PPARD: variants seen among roughly 807,000 people sequenced by gnomAD.
PPARD encodes peroxisome proliferator activated receptor delta, also known as peroxisome proliferator-activated receptor delta.
PPARD carries 6 observed loss-of-function variants against 39.5 expected under a neutral mutation model. The ratio of observed to expected loss-of-function variants is 0.15; its 90% CI spans 0.08 to 0.30. PPARD has a LOEUF of 0.30. Among genes scored for constraint, PPARD ranks in the 10% least tolerant of loss-of-function variants. PPARD has a pLI of 1.00. For synonymous variants in PPARD, 210 were observed against 231.3 expected (o/e 0.91, Z 0.83); for missense variants, 397 against 596.8 (o/e 0.67, Z 3.49).
At position 35,348,948 on chromosome 6, in the gene PPARD, C is replaced by G. The variant is rs116091454; in HGVS notation, c.-102+1798C>G. 1.9e-3 allele frequency: 1,873 copies of G among 985,324 alleles called. 11 individuals carry two copies. The highest frequency in any genetic ancestry group is 9.4e-3 in the African/African-American group (538 of 57,302). The allele number at this position is 985,324 out of a possible 1,614,324, so 61.0% of individuals were successfully genotyped here. ...GGCCCAGTGGCAGCAATTGTACGTG[C>G]ATTTCCAGGGGTCAGTTGTCCAGTT... On this transcript the variant is annotated intron_variant, in intron 2 of 7. Coordinates refer to ENST00000360694, the MANE Select transcript of PPARD (RefSeq NM_006238.5).
intron 4 of PPARD, among the ~76,000 whole-genome samples, chr6:35,421,343 T>C (rs1766156068): frequency 6.6e-6 from 1 of 151,944 alleles, no homozygotes; most frequent in South Asian, 2.1e-4. Flanking sequence ...TTATTTTGTT[T>C]TGTTTTGTTT....
Position 35,424,719 on chromosome 6 carries a change from G to A in PPARD, c.1018G>A (p.Ala340Thr), listed in dbSNP as rs770953928. Reference sequence around the variant, plus strand: ...GTTTGAATTTGCTGTCAAGTTCAACGCCCTGGAACTTGATGACAGTGACCT... The same window carrying A: ...GTTTGAATTTGCTGTCAAGTTCAACACCCTGGAACTTGATGACAGTGACCT... Reference protein sequence around the residue: ...PKFEFAVKFNALELDDSDLAL... With the variant: ...PKFEFAVKFNTLELDDSDLAL... Residue 340 changes from alanine to threonine, a missense_variant, in exon 7 of 8, where the codon GCC becomes ACC. By Grantham distance (58) the Ala-to-Thr change is moderately conservative. Transcript: ENST00000360694. The surrounding 1 kb of genome is among the most constrained non-coding windows in gnomAD (Gnocchi z 7.1). 12 of 1,614,094 alleles carry A rather than the reference G, an allele frequency of 7.4e-6. No homozygotes were observed. Among genetic ancestry groups the A allele is most frequent in the East Asian group, 2.2e-5 (1 of 44,900 alleles).
intron 2 of PPARD, among the ~76,000 whole-genome samples, chr6:35,357,051 G>A (rs1186297655): frequency 6.6e-6 from 1 of 152,188 alleles, no homozygotes; most frequent in Non-Finnish European, 1.5e-5. Context: ...GTTTCTCAGG[G>A]TGTGCTTTTC....
rs144413398 is a variant in PPARD, at chr6:35,373,368, A to G, written c.-102+26218A>G. ...TAAACAATAATTATTAGGTATCGCTATTATAGAGACCAGCTTCTGCTGTGG... is the reference window on the plus strand; with the variant it reads ...TAAACAATAATTATTAGGTATCGCTGTTATAGAGACCAGCTTCTGCTGTGG... On this transcript the variant is annotated intron_variant, in intron 2 of 7. Transcript: ENST00000360694. Among the ~76,000 whole-genome samples, 785 of 152,320 alleles carry G rather than the reference A, an allele frequency of 5.2e-3. 5 individuals are homozygous for G. The highest frequency in any genetic ancestry group is 0.015 in the African/African-American group (616 of 41,568).
chr6:35,418,493 C>A (rs1157882951), intron 3 of PPARD, among the ~76,000 whole-genome samples: 2 of 152,248 alleles, frequency 1.3e-5, no homozygotes, highest in African/African-American at 2.4e-5. Context: ...CAGTGTCTGA[C>A]CACGCTGGTG....
intron 2 of PPARD, among the ~76,000 whole-genome samples, chr6:35,386,586 T>C (rs1040260992): frequency 6.6e-6 from 1 of 152,140 alleles, no homozygotes; most frequent in Admixed American, 6.5e-5. Context: ...TCAAGGAGAC[T>C]AACTTCAAGG....
intron 2 of PPARD, among the ~76,000 whole-genome samples, chr6:35,384,010 C>T (rs1482533742): frequency 3.6e-5 from 5 of 140,182 alleles, no homozygotes; most frequent in Non-Finnish European, 7.6e-5. Context: ...CCCCACGCCC[C>T]GCCAGCCGCC....
intron 2 of PPARD, among the ~76,000 whole-genome samples, chr6:35,390,185 A>G (rs1007680649): frequency 3.3e-5 from 5 of 152,034 alleles, no homozygotes; most frequent in Non-Finnish European, 7.4e-5. Flanking sequence ...GGGCCATTAC[A>G]CCTACTCCAG....
chr6:35,407,676 A>G (rs1022902514), intron 2 of PPARD, among the ~76,000 whole-genome samples: 5 of 150,566 alleles, frequency 3.3e-5, no homozygotes, highest in Non-Finnish European at 7.4e-5. Context: ...AATAAAATAA[A>G]TAAATAAATA....
chr6:35,369,319 G>A (rs1003602329), intron 2 of PPARD, among the ~76,000 whole-genome samples: 2 of 152,126 alleles, frequency 1.3e-5, no homozygotes, highest in Non-Finnish European at 2.9e-5. Flanking sequence ...AAGTCATAAA[G>A]TCCACCTGTT....
At chr6:35,423,834 G>A (rs1412694190) in intron 5 of PPARD, 112 bp from the exon 6 acceptor site, 2 of 970,934 alleles carry the variant, frequency 2.1e-6, no homozygotes, top group Non-Finnish European at 3.0e-6. Flanking sequence ...TAGAGCTTCT[G>A]GGGGCCTTAG....
chr6:35,362,288 G>A (rs1283317560), intron 2 of PPARD, among the ~76,000 whole-genome samples: 1 of 152,120 alleles, frequency 6.6e-6, no homozygotes, highest in African/African-American at 2.4e-5. Context: ...GGCCTGGAGG[G>A]AGGCACTTGG....
At chr6:35,361,061 T>A (rs1258348524) in intron 2 of PPARD, among the ~76,000 whole-genome samples, 1 of 152,174 alleles carries the variant, frequency 6.6e-6, no homozygotes, top group Non-Finnish European at 1.5e-5. Flanking sequence ...TTTCTTTGGC[T>A]TCTCAGAGGG....
Position 35,411,113 on chromosome 6 carries a change from C to T in PPARD, c.26C>T (p.Pro9Leu). Residue 9 changes from proline to leucine, a missense_variant, in exon 3 of 8, where the codon CCT becomes CTT. Pro to Leu is a moderately conservative substitution (Grantham distance 98). Transcript: ENST00000360694. ...ATGGAGCAGCCACAGGAGGAAGCCC[C>T]TGAGGTCCGGGAAGAGGAGGAGAAA... Reference protein sequence around the residue: MEQPQEEAPEVREEEEKEE... With the variant: MEQPQEEALEVREEEEKEE... 1 of 1,571,172 alleles carries T rather than the reference C, an allele frequency of 6.4e-7. No individual in the cohort carries two copies. The highest frequency in any genetic ancestry group is 8.6e-7 in the Non-Finnish European group (1 of 1,157,260).
intron 2 of PPARD, among the ~76,000 whole-genome samples, chr6:35,390,393 T>G (rs1030314703): frequency 3.3e-5 from 5 of 152,214 alleles, no homozygotes; most frequent in Non-Finnish European, 7.3e-5. Context: ...AATGATATTT[T>G]ATTTGAGTGG....
intron 2 of PPARD, among the ~76,000 whole-genome samples, chr6:35,384,193 G>C (rs1192731834): frequency 5.2e-3 from 288 of 55,440 alleles, no homozygotes; most frequent in East Asian, 7.1e-3. Context: ...CCCGGCCAGC[G>C]GCCCCGTCCG....
intron 3 of PPARD, among the ~76,000 whole-genome samples, chr6:35,415,777 C>CGTGTGTGTGTGTGTGTGTGTGTGTGTGT (rs1276538461): frequency 3.7e-5 from 4 of 108,164 alleles, no homozygotes; most frequent in African/African-American, 3.0e-4. Context: ...AGAAGGAGAA[C>CGTGTGTGTGTGTGTGTGTGTGTGTGTGT]CTGTGTGTGT....
intron 3 of PPARD, among the ~76,000 whole-genome samples, chr6:35,413,210 G>A (rs530524527): frequency 6.6e-6 from 1 of 152,328 alleles, no homozygotes; most frequent in Admixed American, 6.5e-5. Context: ...GCAGGGGTAG[G>A]GTGAGGCAGG....
chr6:35,353,758 G>T (rs1289103543), intron 2 of PPARD, among the ~76,000 whole-genome samples: 1 of 152,186 alleles, frequency 6.6e-6, no homozygotes, highest in African/African-American at 2.4e-5. Flanking sequence ...AAGGAGGTCA[G>T]ATTGGAGCAA....
Sources: allele counts gnomAD v4.1 joint callset (sites outside exome capture counted in the v4.1 genomes callset), GRCh38; gene constraint gnomAD v4.1.1; non-coding constraint Gnocchi (gnomAD v3.1); transcripts MANE v1.5; gene names NCBI Gene and HGNC (gene_info 2026-07-23, HGNC 2026-07-21).